CARMIL3: variants seen among roughly 807,000 people sequenced by gnomAD.
CARMIL3 encodes capping protein, Arp2/3 and myosin-I linker protein 3.
Under a neutral mutation model 180.8 loss-of-function variants are expected in CARMIL3, and 88 were observed. The observed-to-expected ratio is 0.49, with a 90% CI of 0.41 to 0.58. The LOEUF (loss-of-function observed/expected upper bound fraction) is 0.58, where lower values mean the gene tolerates loss of function less well. Ranked by LOEUF, CARMIL3 falls within the 20% of genes least tolerant of loss-of-function variation. The pLI is 0.00. For synonymous variants in CARMIL3, 696 were observed against 714.5 expected, an observed-to-expected ratio of 0.97 and a Z score of 0.41; for missense variants, 1,548 against 1,787.0, an observed-to-expected ratio of 0.87 and a Z score of 2.41.
rs2035660854 is a variant in CARMIL3, at chr14:24,055,294, A to G, written c.589A>G (p.Ser197Gly). ...CCGGGAGTTCAATCTTTTGGATTTC[A>G]GCCACTTGGAGAGCCGGTAAGCAGA... is the stretch of plus-strand genomic sequence containing the variant. ...DNREFNLLDF[S>G]HLESRDLALM... is the part of the protein sequence containing the mutation. Residue 197 changes from serine (S) to glycine (G), a missense_variant, in exon 8 of 40, where the codon AGC becomes GGC. This residue lies in a region of CARMIL3 where 578 missense variants were observed against 666.5 expected (regional missense o/e 0.87). Coordinates refer to ENST00000342740, the MANE Select transcript of CARMIL3 (RefSeq NM_138360.4). 1.9e-6 allele frequency: 3 copies of G among 1,614,096 alleles called. No individual in the cohort carries two copies. In the East Asian group the frequency reaches 6.7e-5, roughly 36 times the overall value.
chr14:24,068,439 G>A, intron 36 of CARMIL3, 145 bp from the exon 37 acceptor site: 2 of 576,162 alleles, frequency 3.5e-6, no homozygotes, highest in South Asian at 3.0e-5. Context: ...AAAAAAAAAA[G>A]GCACATGAAA....
rs2035701749 is a variant in CARMIL3, at chr14:24,058,904, C to T, written c.1489C>T (p.Leu497Phe). The T allele has an allele frequency of 6.2e-7, 1 of 1,614,244 alleles. No individual in the cohort carries two copies. The highest frequency in any genetic ancestry group is 1.1e-5 in the South Asian group (1 of 91,086). ...CTGCTCACCAGGGTTCGACTCGGACCTCCTGACACTGGTGCCTGCACTTGG... is the reference window on the plus strand; with the variant it reads ...CTGCTCACCAGGGTTCGACTCGGACTTCCTGACACTGGTGCCTGCACTTGG... ...DLSDNGFDSD[L>F]LTLVPALGKN... The change falls in exon 19 of 40, where the codon CTC (leucine) becomes TTC (phenylalanine). Residue 497 changes from leucine to phenylalanine, a missense_variant. Transcript: ENST00000342740. This position sits in a 1 kb window ranked among gnomAD's most constrained non-coding sequence, Gnocchi z 6.4.
intron 33 of CARMIL3, 30 bp from the exon 34 acceptor site, chr14:24,065,592 A>G (rs1284843418): frequency 6.3e-7 from 1 of 1,581,928 alleles, no homozygotes; most frequent in South Asian, 1.2e-5. Flanking sequence ...TCGACTGGGA[A>G]CTGCTAATAA....
intron 2 of CARMIL3, 97 bp from the exon 3 acceptor site, chr14:24,053,991 G>C: frequency 7.1e-7 from 1 of 1,410,166 alleles, no homozygotes. Flanking sequence ...TCGGGTTGGG[G>C]AGACACTCCA....
rs1181075458 is a variant in CARMIL3 at position 24,058,995 on chromosome 14, C to T, written c.1571+9C>T. Reference sequence around the variant, plus strand: ...TTCAATGTCAAGGCCAAGTGAGGCCCCCTTTCCATGCCCACAGACCCTCAT... The same window carrying T: ...TTCAATGTCAAGGCCAAGTGAGGCCTCCTTTCCATGCCCACAGACCCTCAT... On this transcript the variant is annotated intron_variant, in intron 19 of 39. Transcript: ENST00000342740. The surrounding 1 kb of genome is among the most constrained non-coding windows in gnomAD (Gnocchi z 6.4). The T allele has an allele frequency of 6.2e-7, 1 of 1,613,762 alleles. No individual in the cohort carries two copies. The highest frequency in any genetic ancestry group is 1.7e-5 in the Admixed American group (1 of 59,972).
intron 31 of CARMIL3, 118 bp downstream of exon 31, chr14:24,063,651 C>A: frequency 1.0e-6 from 1 of 971,622 alleles, no homozygotes; most frequent in Non-Finnish European, 1.5e-6. Flanking sequence ...GGCAGGAGTC[C>A]AGGCATGCCA....
In CARMIL3 at chr14:24,057,882, G is replaced by A. The variant is rs2035688129; in HGVS notation, c.1217+3G>A. 1.9e-6 allele frequency: 3 copies of A among 1,612,976 alleles called. No homozygotes were observed. The highest frequency in any genetic ancestry group is 2.5e-6 in the Non-Finnish European group (3 of 1,179,940). On this transcript the variant is annotated splice_donor_region_variant and intron_variant, in intron 15 of 39. Transcript: ENST00000342740. ...GCTCGCAACAGCTGCTCCCACAGGTGGGAGAGGAGGGGGAAGGGAGGACAG... is the reference window on the plus strand; with the variant it reads ...GCTCGCAACAGCTGCTCCCACAGGTAGGAGAGGAGGGGGAAGGGAGGACAG...
chr14:24,053,682 T>G (rs770423059), intron 1 of CARMIL3, 27 bp from the exon 2 acceptor site: 1 of 1,581,528 alleles, frequency 6.3e-7, no homozygotes, highest in Non-Finnish European at 8.6e-7. Flanking sequence ...AAGGTGAAGC[T>G]CTGAGCAGGC....
Position 24,058,818 on chromosome 14 carries a change from G to T in CARMIL3, c.1474+57G>T, listed in dbSNP as rs1381136330. On this transcript the variant is annotated intron_variant, in intron 18 of 39. Transcript: ENST00000342740. This position sits in a 1 kb window ranked among gnomAD's most constrained non-coding sequence, Gnocchi z 6.4. ...AGGGGAGAACAGGGGCCTGGAGCAT[G>T]CAGAAGCAGCCCTGATGGGACACCA... The T allele has an allele frequency of 6.2e-7, 1 of 1,612,270 alleles. No individual in the cohort carries two copies. The highest frequency in any genetic ancestry group is 8.5e-7 in the Non-Finnish European group (1 of 1,178,534).
At chr14:24,065,818 C>T (rs991558307) in intron 34 of CARMIL3, 68 bp downstream of exon 34, 1 of 1,570,642 alleles carries the variant, frequency 6.4e-7, no homozygotes, top group Non-Finnish European at 8.6e-7. Context: ...CTCCTTCCCA[C>T]TCCCTCATCC....
Position 24,065,724 on chromosome 14 carries a change from G to A in CARMIL3, c.3499G>A (p.Gly1167Ser). 6.2e-7 allele frequency: 1 copy of A among 1,614,122 alleles called. No homozygotes were observed. Among genetic ancestry groups the A allele is most frequent in the Non-Finnish European group, 8.5e-7 (1 of 1,179,972 alleles). ...VALPGLERAK[G>S]WSFDGKREGP... ...CCTTCCCGGGTTGGAAAGAGCCAAG[G>A]GTTGGAGCTTCGATGGGAAACGAGA... The change falls in exon 34 of 40, where the codon GGT becomes AGT. Residue 1167 changes from glycine to serine, a missense_variant. Gly to Ser is a moderately conservative substitution (Grantham distance 56, BLOSUM62 0). Transcript: ENST00000342740.
In CARMIL3 at chr14:24,056,699, T is replaced by G. The variant is rs766837085; in HGVS notation, c.943T>G (p.Ser315Ala). 6.2e-7 allele frequency: 1 copy of G among 1,613,000 alleles called. No individual in the cohort carries two copies. ...ACTGTGCCTGGCCAAGACTGCCATTTCCCCTCGAGGTACTCGCACCAAGGA... is the reference window on the plus strand; with the variant it reads ...ACTGTGCCTGGCCAAGACTGCCATTGCCCCTCGAGGTACTCGCACCAAGGA... The part of the protein sequence containing the change: ...TKLCLAKTAI[S>A]PRGLQALGQT... The change falls in exon 12 of 40, where the codon TCC (serine) becomes GCC (alanine). Residue 315 changes from serine (S) to alanine (A), a missense_variant. By Grantham distance (99) the Ser-to-Ala change is moderately conservative. This residue lies in a region of CARMIL3 where 578 missense variants were observed against 666.5 expected (regional missense o/e 0.87). Transcript: ENST00000342740.
intron 30 of CARMIL3, 49 bp from the exon 31 acceptor site, chr14:24,063,276 C>A (rs761779982): frequency 6.3e-7 from 1 of 1,590,730 alleles, no homozygotes; most frequent in South Asian, 1.1e-5. Flanking sequence ...CCCCATCCTG[C>A]TTTCTCCCCA....
chr14:24,069,350 A>G (rs765452463), intron 39 of CARMIL3, 29 bp from the exon 40 acceptor site: 1 of 1,614,128 alleles, frequency 6.2e-7, no homozygotes, highest in Non-Finnish European at 8.5e-7. Flanking sequence ...TGCCCAGGAA[A>G]CAGGGCTCCC....
In CARMIL3 at chr14:24,052,203, T is replaced by C. The variant is rs2035623214; in HGVS notation, c.40+10T>C. ...ACCCGCGAGTTGCAAGGTACGAGGC[T>C]GCCTCGGTCTCTGGGACGCCCCGTC... On this transcript the variant is annotated intron_variant, in intron 1 of 39. Transcript: ENST00000342740. 7 of 1,585,636 alleles carry C rather than the reference T, an allele frequency of 4.4e-6. No individual in the cohort carries two copies. In the East Asian group the frequency reaches 1.4e-4, roughly 32 times the overall value.
rs956323833 is a variant in CARMIL3, at chr14:24,062,407, A to G, written c.2481-73A>G. Reference sequence around the variant, plus strand: ...CTGGCCGTTCTCTCAGGCTTCTGGGAGAGGGAGTGCCTCAGGGGCCATGCG... The same window carrying G: ...CTGGCCGTTCTCTCAGGCTTCTGGGGGAGGGAGTGCCTCAGGGGCCATGCG... On this transcript the variant is annotated intron_variant, in intron 27 of 39. Coordinates refer to ENST00000342740, the MANE Select transcript of CARMIL3 (RefSeq NM_138360.4). The G allele has an allele frequency of 3.0e-6, 4 of 1,341,562 alleles. No individual in the cohort carries two copies. The African/African-American group carries it at 5.8e-5, about 19-fold the overall frequency. 83.1% of individuals were successfully genotyped at this position (1,341,562 alleles called of 1,614,324 possible).
At chr14:24,065,534 GAGGC>G in intron 33 of CARMIL3, 84 bp from the exon 34 acceptor site, 1 of 1,513,914 alleles carries the variant, frequency 6.6e-7, no homozygotes, top group African/African-American at 1.4e-5. Context: ...GGGACTCAGT[GAGGC>G]AGGGGTCCTC....
chr14:24,065,110 T>C lies in CARMIL3; in HGVS notation c.3233T>C (p.Leu1078Pro). The change falls in exon 33 of 40, where the codon CTC becomes CCC. Residue 1078 changes from leucine (L) to proline (P), a missense_variant. Transcript: ENST00000342740. Reference sequence around the variant, plus strand: ...CCGGGGTCCCCTACCACTGGACTCCTCCTCCCTCCACCCCCACCCCCTCCC... The same window carrying C: ...CCGGGGTCCCCTACCACTGGACTCCCCCTCCCTCCACCCCCACCCCCTCCC... ...RGPGSPTTGL[L>P]LPPPPPPPPT... 2 of 1,530,316 alleles carry C rather than the reference T, an allele frequency of 1.3e-6. No individual in the cohort carries two copies. The highest frequency in any genetic ancestry group is 1.8e-6 in the Non-Finnish European group (2 of 1,141,230). 94.8% of individuals were successfully genotyped at this position (1,530,316 alleles called of 1,614,324 possible).
chr14:24,053,440 T>C (rs1354681307), intron 1 of CARMIL3, among the ~76,000 whole-genome samples: 2 of 152,142 alleles, frequency 1.3e-5, no homozygotes, highest in Admixed American at 1.3e-4. Flanking sequence ...CCACAGACAG[T>C]CAGCAACCGT....
Sources: allele counts gnomAD v4.1 joint callset (sites outside exome capture counted in the v4.1 genomes callset), GRCh38; gene constraint gnomAD v4.1.1; regional missense constraint gnomAD v4.1.1; non-coding constraint Gnocchi (gnomAD v3.1); transcripts MANE v1.5; gene names NCBI Gene and HGNC (gene_info 2026-07-23, HGNC 2026-07-21).